Variants in CDH12 observed in about 807,000 individuals in gnomAD.
The protein encoded by CDH12 is cadherin-12.
In CDH12, 41 loss-of-function variants were observed where a neutral mutation model predicts 74.1. The observed-to-expected ratio is 0.55, with a 90% CI of 0.43 to 0.72. The LOEUF (loss-of-function observed/expected upper bound fraction) is 0.72, where lower values mean the gene tolerates loss of function less well. CDH12 is among the 30% of genes least tolerant of loss of function. The probability of loss-of-function intolerance (pLI) is 0.00; values close to 1 mark genes in which losing one functional copy is unlikely to be tolerated. For synonymous variants in CDH12, 399 were observed against 355.0 expected, an observed-to-expected ratio of 1.12 and a Z score of -1.39; for missense variants, 945 against 977.2, an observed-to-expected ratio of 0.97 and a Z score of 0.44.
At chr5:21,856,615 T>A (rs1750768648) in intron 6 of CDH12, among the ~76,000 whole-genome samples, 1 of 151,878 alleles carries the variant, frequency 6.6e-6, no homozygotes, top group Admixed American at 6.6e-5. Context: ...TTCACATTTT[T>A]GTTTTTAATG....
At chr5:21,783,244 G>C (rs1448608898) in intron 11 of CDH12, 114 bp downstream of exon 11, 1 of 885,510 alleles carries the variant, frequency 1.1e-6, no homozygotes, top group African/African-American at 1.7e-5. Context: ...GTTTCCCCGC[G>C]AGACCACTCA....
At chr5:22,574,023 T>C (rs1402119930) in intron 1 of CDH12, among the ~76,000 whole-genome samples, 1 of 151,654 alleles carries the variant, frequency 6.6e-6, no homozygotes, top group Non-Finnish European at 1.5e-5. Flanking sequence ...ACATTCTTTA[T>C]AATCTTTACC....
At chr5:22,256,766 T>G (rs935080461) in intron 3 of CDH12, among the ~76,000 whole-genome samples, 2 of 152,048 alleles carry the variant, frequency 1.3e-5, no homozygotes, top group Non-Finnish European at 2.9e-5. Flanking sequence ...CCTTAGTTTT[T>G]AACAAAAACA....
intron 4 of CDH12, among the ~76,000 whole-genome samples, chr5:22,196,564 G>A (rs1312253743): frequency 4.6e-5 from 7 of 152,242 alleles, no homozygotes; most frequent in South Asian, 4.1e-4. Context: ...AACTGCCTAC[G>A]CTGAGTTGAC....
intron 1 of CDH12, among the ~76,000 whole-genome samples, chr5:22,841,317 T>C (rs896793320): frequency 1.3e-5 from 2 of 152,110 alleles, no homozygotes; most frequent in East Asian, 1.9e-4. Context: ...AAGGGCTTGA[T>C]TGAGAGACTT....
At chr5:22,774,873 A>G (rs1747005224) in intron 1 of CDH12, among the ~76,000 whole-genome samples, 1 of 152,102 alleles carries the variant, frequency 6.6e-6, no homozygotes. Flanking sequence ...ACAACTACCT[A>G]TTGAATTCTA....
intron 1 of CDH12, among the ~76,000 whole-genome samples, chr5:22,567,873 C>A (rs1368554235): frequency 6.6e-6 from 1 of 152,144 alleles, no homozygotes; most frequent in Non-Finnish European, 1.5e-5. Flanking sequence ...ACACACCTGT[C>A]CATATAGCAT....
chr5:22,622,240 C>A (rs984511731), intron 1 of CDH12, among the ~76,000 whole-genome samples: 6 of 150,550 alleles, frequency 4.0e-5, no homozygotes, highest in Admixed American at 2.7e-4. Context: ...GTCCAAAGAA[C>A]TAAAGAGAAC....
chr5:22,037,371 T>C (rs979218404), intron 5 of CDH12, among the ~76,000 whole-genome samples: 2 of 152,166 alleles, frequency 1.3e-5, no homozygotes, highest in Non-Finnish European at 2.9e-5. Context: ...ACCAGAATGA[T>C]ATAGCCTGGG....
At chr5:22,188,051 T>C (rs551816240) in intron 4 of CDH12, among the ~76,000 whole-genome samples, 225 of 151,272 alleles carry the variant, frequency 1.5e-3, no homozygotes, top group Middle Eastern at 0.01. Context: ...GGGTTGGTTG[T>C]TCTCCACCAA....
At chr5:21,982,372 C>T (rs993013708) in intron 5 of CDH12, among the ~76,000 whole-genome samples, 3 of 151,922 alleles carry the variant, frequency 2.0e-5, no homozygotes, top group Non-Finnish European at 2.9e-5. Context: ...TTGCCAACTG[C>T]ATACCTTTGG....
chr5:22,066,396 C>T (rs1741565963), intron 5 of CDH12, among the ~76,000 whole-genome samples: 1 of 152,074 alleles, frequency 6.6e-6, no homozygotes, highest in South Asian at 2.1e-4. Context: ...AATATTCAGA[C>T]CTTTGGGGGA....
chr5:22,677,198 A>G (rs1413388992), intron 1 of CDH12, among the ~76,000 whole-genome samples: 1 of 152,100 alleles, frequency 6.6e-6, no homozygotes, highest in Non-Finnish European at 1.5e-5. Flanking sequence ...TAAATGCCTG[A>G]ACCAAAAGTT....
chr5:22,237,054 T>C (rs1016465421), intron 3 of CDH12, among the ~76,000 whole-genome samples: 3 of 152,082 alleles, frequency 2.0e-5, no homozygotes, highest in Non-Finnish European at 4.4e-5. Context: ...TCATTTATTA[T>C]CCTTATTAAG....
At chr5:22,390,561 C>CATGG (rs1178101488) in intron 3 of CDH12, among the ~76,000 whole-genome samples, 1 of 142,638 alleles carries the variant, frequency 7.0e-6, no homozygotes, top group Non-Finnish European at 1.5e-5. Context: ...GCCTTGATTA[C>CATGG]ATGGATGGAT....
intron 6 of CDH12, among the ~76,000 whole-genome samples, chr5:21,946,558 C>A (rs1331472579): frequency 1.3e-5 from 2 of 152,120 alleles, no homozygotes; most frequent in Non-Finnish European, 2.9e-5. Flanking sequence ...AACAGTAGAT[C>A]TTGACATTAC....
intron 1 of CDH12, among the ~76,000 whole-genome samples, chr5:22,660,801 A>AT (rs1376035534): frequency 6.6e-6 from 1 of 152,162 alleles, no homozygotes. Flanking sequence ...CCATCTAGAT[A>AT]TTTTTTAATT....
At chr5:22,784,629 G>A (rs767963970) in intron 1 of CDH12, among the ~76,000 whole-genome samples, 12 of 152,010 alleles carry the variant, frequency 7.9e-5, no homozygotes, top group Non-Finnish European at 1.3e-4. Context: ...CAATCTACCA[G>A]TTCATCCTAC....
intron 8 of CDH12, among the ~76,000 whole-genome samples, chr5:21,830,176 G>A: frequency 8.3e-6 from 1 of 119,884 alleles, no homozygotes; most frequent in African/African-American, 3.2e-5. Context: ...TCCAGACTGG[G>A]TGACAACAGT....
Sources: allele counts gnomAD v4.1 joint callset (sites outside exome capture counted in the v4.1 genomes callset), GRCh38; gene constraint gnomAD v4.1.1; transcripts MANE v1.5; gene names NCBI Gene and HGNC (gene_info 2026-07-23, HGNC 2026-07-21).